VAV3: variants seen among roughly 807,000 people sequenced by gnomAD.
The protein encoded by VAV3 is vav guanine nucleotide exchange factor 3.
VAV3 carries 94 observed loss-of-function variants against 131.2 expected under a neutral mutation model. The observed-to-expected ratio is 0.72, with a 90% CI of 0.61 to 0.85. The LOEUF (loss-of-function observed/expected upper bound fraction) is 0.85. Ranked by LOEUF, VAV3 falls within the 40% of genes least tolerant of loss-of-function variation. The probability of loss-of-function intolerance (pLI) is 0.00; values close to 1 mark genes in which losing one functional copy is unlikely to be tolerated. For missense variants in VAV3, 939 were observed against 1,002.7 expected (o/e 0.94, Z 0.86); for synonymous variants, 349 against 342.0 (o/e 1.02, Z -0.22).
intron 1 of VAV3, among the ~76,000 whole-genome samples, chr1:107,956,218 G>T (rs1674800128): frequency 6.6e-6 from 1 of 152,204 alleles, no homozygotes; most frequent in African/African-American, 2.4e-5. Flanking sequence ...AGTGGAACAG[G>T]AAGTAAGATT....
At position 107,765,191 on chromosome 1, in the gene VAV3, G is replaced by A. The variant is rs995490494; in HGVS notation, c.822-16C>T. ...AATAACCAATCTGAAAGGGAAAAAA[G>A]ACAAGAAATCTCTAAGACAAAAACC... is the stretch of plus-strand genomic sequence containing the variant. On this transcript the variant is annotated splice_polypyrimidine_tract_variant and intron_variant, in intron 8 of 26. Coordinates refer to ENST00000370056, the MANE Select transcript of VAV3 (RefSeq NM_006113.5). 6.3e-7 allele frequency: 1 copy of A among 1,594,396 alleles called. No homozygotes were observed.
chr1:107,621,918 G>A (rs1653637227), intron 20 of VAV3, among the ~76,000 whole-genome samples: 1 of 152,094 alleles, frequency 6.6e-6, no homozygotes, highest in African/African-American at 2.4e-5. Context: ...AAATCTAACA[G>A]TACAGGTTGG....
At chr1:107,709,153 T>C (rs1660628318) in intron 15 of VAV3, among the ~76,000 whole-genome samples, 1 of 152,276 alleles carries the variant, frequency 6.6e-6, no homozygotes, top group African/African-American at 2.4e-5. Flanking sequence ...AGGCTTTCAG[T>C]AACTTTGTAC....
chr1:107,639,697 T>C (rs1655191295), intron 20 of VAV3, among the ~76,000 whole-genome samples: 1 of 152,150 alleles, frequency 6.6e-6, no homozygotes, highest in Non-Finnish European at 1.5e-5. Context: ...TAATCCTAGC[T>C]ACTTGGCAGG....
Position 107,573,547 on chromosome 1 carries a change from G to A in VAV3, c.2503-175C>T, listed in dbSNP as rs7549255. On this transcript the variant is annotated intron_variant, in intron 26 of 26. Transcript: ENST00000370056. ...TAGAAGCCTAATAGAGTAAATGATC[G>A]AAATGGAGGAATAAAATAAACAGTG... is the stretch of plus-strand genomic sequence containing the variant. Among the ~76,000 whole-genome samples, 20,780 of 152,090 alleles carry A rather than the reference G, an allele frequency of 0.14. 1,517 individuals are homozygous for A. Among genetic ancestry groups the A allele is most frequent in the Non-Finnish European group, 0.16 (11,044 of 67,974 alleles).
intron 20 of VAV3, among the ~76,000 whole-genome samples, chr1:107,640,103 C>A (rs373799659): frequency 6.6e-6 from 1 of 152,078 alleles, no homozygotes; most frequent in East Asian, 1.9e-4. Context: ...TCTATATATT[C>A]CCCTCTTGGC....
Position 107,649,249 on chromosome 1 carries a change from G to C in VAV3, c.1778-6494C>G, listed in dbSNP as rs564622171. Among the ~76,000 whole-genome samples, 3 of 152,104 alleles carry C rather than the reference G, an allele frequency of 2.0e-5. No homozygotes were observed. In the East Asian group the frequency reaches 5.8e-4, roughly 29 times the overall value. ...ACTACACCCAAGTAATTCAGGGCTGGTGATTAACTTAACTCAAAGACTGCA... is the reference window on the plus strand; with the variant it reads ...ACTACACCCAAGTAATTCAGGGCTGCTGATTAACTTAACTCAAAGACTGCA... On this transcript the variant is annotated intron_variant, in intron 19 of 26. Transcript: ENST00000370056.
At chr1:107,704,672 T>C (rs534630290) in intron 16 of VAV3, 22 bp from the exon 17 acceptor site, 3 of 1,590,528 alleles carry the variant, frequency 1.9e-6, no homozygotes, top group East Asian at 2.2e-5. Context: ...AATAAGAAAG[T>C]GGTATATTAA....
chr1:107,642,803 T>C, intron 19 of VAV3, 48 bp from the exon 20 acceptor site: 2 of 1,610,796 alleles, frequency 1.2e-6, no homozygotes, highest in Non-Finnish European at 1.7e-6. Context: ...CAATGATGCA[T>C]GAAGTCTACA....
intron 2 of VAV3, among the ~76,000 whole-genome samples, chr1:107,834,486 A>G (rs1668385936): frequency 6.6e-6 from 1 of 152,128 alleles, no homozygotes; most frequent in African/African-American, 2.4e-5. Context: ...AGTACTGTCA[A>G]TTAGATCAAG....
chr1:107,964,525 G>A, intron 1 of VAV3, 141 bp downstream of exon 1: 3 of 905,874 alleles, frequency 3.3e-6, no homozygotes, highest in Non-Finnish European at 4.9e-6. Flanking sequence ...CCAAAGTGGT[G>A]CCGAAGTGGT....
chr1:107,682,833 T>G (rs2504455), intron 19 of VAV3, among the ~76,000 whole-genome samples: 1 of 152,060 alleles, frequency 6.6e-6, no homozygotes, highest in Non-Finnish European at 1.5e-5. Flanking sequence ...TACCTTTTAC[T>G]CACAACAAAA....
intron 1 of VAV3, among the ~76,000 whole-genome samples, chr1:107,920,662 T>C (rs1418878103): frequency 5.3e-5 from 8 of 152,238 alleles, no homozygotes; most frequent in Non-Finnish European, 1.2e-4. Flanking sequence ...TTATGTAATT[T>C]CTTAAATACT....
intron 2 of VAV3, 49 bp from the exon 3 acceptor site, chr1:107,779,541 AG>A (rs1557842033): frequency 6.8e-7 from 1 of 1,465,218 alleles, no homozygotes; most frequent in Admixed American, 2.4e-5. Flanking sequence ...AGAAAATATA[AG>A]ATTTCTTTTT....
intron 25 of VAV3, among the ~76,000 whole-genome samples, 182 bp from the exon 26 acceptor site, chr1:107,574,380 C>A (rs1027599200): frequency 2.0e-5 from 3 of 152,180 alleles, no homozygotes; most frequent in African/African-American, 4.8e-5. Context: ...CAGGTGCAAG[C>A]AAATTCGCTT....
intron 15 of VAV3, among the ~76,000 whole-genome samples, chr1:107,732,999 G>A (rs1486032709): frequency 1.3e-5 from 2 of 152,132 alleles, no homozygotes; most frequent in African/African-American, 4.8e-5. Context: ...ATGCCCCTCT[G>A]AGATGAAGCC....
intron 1 of VAV3, among the ~76,000 whole-genome samples, chr1:107,883,406 A>G (rs937559586): frequency 2.0e-5 from 3 of 152,154 alleles, no homozygotes; most frequent in Non-Finnish European, 4.4e-5. Flanking sequence ...TAGCACATAC[A>G]TGTTTTCAAA....
chr1:107,665,135 A>C (rs1397549766), intron 19 of VAV3, among the ~76,000 whole-genome samples: 1 of 152,162 alleles, frequency 6.6e-6, no homozygotes, highest in African/African-American at 2.4e-5. Flanking sequence ...TGGAGGAGTC[A>C]ATAAAAGAAG....
rs189798512 is a variant in VAV3, at chr1:107,669,523, T to G, written c.1777+13965A>C. 1.3e-5 allele frequency: 17 copies of G among 1,272,116 alleles called. No homozygotes were observed. The Admixed American group carries it at 3.9e-4, about 29-fold the overall frequency. The allele number at this position is 1,272,116 out of a possible 1,614,324, so 78.8% of individuals were successfully genotyped here. On this transcript the variant is annotated intron_variant, in intron 19 of 26. Coordinates refer to ENST00000370056, the MANE Select transcript of VAV3 (RefSeq NM_006113.5). ...CACATTTTCAAGAATGCCTGAAAATTTCACCATGGATCCATTCCTATCTTT... is the reference window on the plus strand; with the variant it reads ...CACATTTTCAAGAATGCCTGAAAATGTCACCATGGATCCATTCCTATCTTT...
Sources: gnomAD v4.1 joint callset for allele counts (sites outside exome capture counted in the v4.1 genomes callset) on GRCh38, gnomAD v4.1.1 for gene constraint, MANE v1.5 for transcripts, NCBI Gene and HGNC (gene_info 2026-07-23, HGNC 2026-07-21) for gene names.